TTC3: variants seen among roughly 807,000 people sequenced by gnomAD.
The protein encoded by TTC3 is tetratricopeptide repeat domain 3, also known as E3 ubiquitin-protein ligase TTC3.
TTC3 carries 180 observed loss-of-function variants against 249.6 expected under a neutral mutation model. That is an observed-to-expected ratio of 0.72 (90% CI 0.64 to 0.82). The LOEUF (loss-of-function observed/expected upper bound fraction) is 0.82, where lower values mean the gene tolerates loss of function less well. Among genes scored for constraint, TTC3 ranks in the 40% least tolerant of loss-of-function variants. The probability of loss-of-function intolerance (pLI) is 0.00; values close to 1 mark genes in which losing one functional copy is unlikely to be tolerated. For missense variants in TTC3, 2,061 were observed against 2,398.4 expected, an observed-to-expected ratio of 0.86 and a Z score of 2.94; for synonymous variants, 717 against 805.0, an observed-to-expected ratio of 0.89 and a Z score of 1.85.
chr21:37,102,767 C>T (rs555310713), intron 10 of TTC3, among the ~76,000 whole-genome samples: 9 of 152,188 alleles, frequency 5.9e-5, no homozygotes, highest in Admixed American at 2.6e-4. Flanking sequence ...GAGGCTGAGG[C>T]GGATGGATCA....
At chr21:37,102,964 T>C (rs2074661078) in intron 10 of TTC3, among the ~76,000 whole-genome samples, 1 of 152,162 alleles carries the variant, frequency 6.6e-6, no homozygotes, top group South Asian at 2.1e-4. Context: ...GCCACTGCAC[T>C]CCAGCCTGGG....
chr21:37,172,320 A>G (rs2081875080), intron 34 of TTC3, among the ~76,000 whole-genome samples: 1 of 152,204 alleles, frequency 6.6e-6, no homozygotes, highest in South Asian at 2.1e-4. Context: ...TTGATCTGGT[A>G]TTGAACCCTT....
At chr21:37,153,114 T>C in exon 27 of TTC3, 5 of 1,613,858 alleles carry the variant, frequency 3.1e-6, no homozygotes, top group Non-Finnish European at 4.2e-6. Flanking sequence ...ATACAACCTG[T>C]TTTTCTAGCA....
chr21:37,167,671 A>G lies in TTC3; in HGVS notation c.4467+51A>G, dbSNP rs372029422. The stretch of plus-strand genomic sequence containing the variant: ...TTAAAGGTTTAGTTTTCATTAATTT[A>G]TCTAGATGGAATGATGAACTAGAAC... On this transcript the variant is annotated intron_variant, in intron 34 of 45. Coordinates refer to ENST00000355666, the Ensembl canonical transcript of TTC3. The G allele has an allele frequency of 6.3e-6, 9 of 1,419,208 alleles. No individual in the cohort carries two copies. In the African/African-American group the frequency reaches 7.1e-5, roughly 11 times the overall value. The allele number at this position is 1,419,208 out of a possible 1,614,324, so 87.9% of individuals were successfully genotyped here.
rs139652673 is a variant in TTC3 at position 37,124,454 on chromosome 21, A to G, written c.1110-165A>G. 1.5e-3 allele frequency among the ~76,000 whole-genome samples: 224 copies of G among 152,268 alleles called. 2 individuals carry two copies. Among genetic ancestry groups the G allele is most frequent in the African/African-American group, 4.9e-3 (205 of 41,556 alleles). Reference sequence around the variant, plus strand: ...TTTATTATTTTGAGTTTAATGCCAAATATAAAATAATGTTTATGTATAAAG... The same window carrying G: ...TTTATTATTTTGAGTTTAATGCCAAGTATAAAATAATGTTTATGTATAAAG... On this transcript the variant is annotated intron_variant, in intron 13 of 45. Coordinates refer to ENST00000355666, the Ensembl canonical transcript of TTC3.
At chr21:37,075,260 G>T (rs997821707) in intron 1 of TTC3, among the ~76,000 whole-genome samples, 6 of 151,362 alleles carry the variant, frequency 4.0e-5, no homozygotes, top group South Asian at 2.1e-4. Flanking sequence ...TTAATTGCTG[G>T]TATAGAATTG....
intron 11 of TTC3, among the ~76,000 whole-genome samples, chr21:37,113,402 G>C (rs2075848072): frequency 6.6e-6 from 1 of 152,054 alleles, no homozygotes; most frequent in Admixed American, 6.6e-5. Flanking sequence ...ATAACAAACA[G>C]AGAGCCAAAT....
intron 7 of TTC3, among the ~76,000 whole-genome samples, chr21:37,093,091 A>C (rs750731917): frequency 1.3e-5 from 2 of 152,166 alleles, no homozygotes; most frequent in Non-Finnish European, 2.9e-5. Context: ...TTCAAAGGAA[A>C]TGCTCGCTGG....
At chr21:37,087,253 G>T (rs2072615181) in exon 2 of TTC3, 1 of 1,613,556 alleles carries the variant, frequency 6.2e-7, no homozygotes, top group Non-Finnish European at 8.5e-7. Context: ...TTAGACTTGT[G>T]CACCATGGAC....
At chr21:37,143,627 A>G (rs2078701513) in intron 20 of TTC3, among the ~76,000 whole-genome samples, 1 of 151,348 alleles carries the variant, frequency 6.6e-6, no homozygotes, top group Non-Finnish European at 1.5e-5. Flanking sequence ...AAATAGGAAC[A>G]CTTTTACACT....
intron 10 of TTC3, among the ~76,000 whole-genome samples, chr21:37,106,990 C>G (rs1601467459): frequency 6.6e-6 from 1 of 152,116 alleles, no homozygotes; most frequent in Middle Eastern, 3.4e-3. Context: ...TCACCTTTGT[C>G]ACGAATCAGG....
intron 1 of TTC3, among the ~76,000 whole-genome samples, chr21:37,079,982 T>C (rs2071413794): frequency 6.6e-6 from 1 of 152,192 alleles, no homozygotes; most frequent in Non-Finnish European, 1.5e-5. Flanking sequence ...GGATTAACTT[T>C]TGGCCTAATT....
At chr21:37,168,148 G>C (rs1012761475) in intron 34 of TTC3, among the ~76,000 whole-genome samples, 1 of 152,104 alleles carries the variant, frequency 6.6e-6, no homozygotes, top group South Asian at 2.1e-4. Context: ...TAAAATTCAG[G>C]TCACTGTCTT....
rs538046618 is a variant in TTC3, at chr21:37,082,729, C to T, written c.-11-4518C>T. The stretch of plus-strand genomic sequence containing the variant: ...TCCAAAAAGTGTTTTTTTTTTTAAT[C>T]TAGGATATACCTTTTTCCTCCCAAC... On this transcript the variant is annotated intron_variant, in intron 1 of 45. Transcript: ENST00000355666. 5 of 984,282 alleles carry T rather than the reference C, an allele frequency of 5.1e-6. No individual in the cohort carries two copies. In the South Asian group the frequency reaches 1.9e-4, roughly 37 times the overall value. The allele number at this position is 984,282 out of a possible 1,614,324, so 61.0% of individuals were successfully genotyped here.
chr21:37,124,178 C>T (rs1278160460), intron 13 of TTC3, among the ~76,000 whole-genome samples: 4 of 115,478 alleles, frequency 3.5e-5, no homozygotes, highest in African/African-American at 6.7e-5. Flanking sequence ...TGCAGTGGCA[C>T]GATCTTGGGT....
At chr21:37,146,768 G>A (rs73905124) in intron 21 of TTC3, among the ~76,000 whole-genome samples, 3,179 of 152,276 alleles carry the variant, frequency 0.021, 107 homozygotes, top group African/African-American at 0.073. Context: ...AATTTAGACC[G>A]TGGTGATGTC....
intron 42 of TTC3, among the ~76,000 whole-genome samples, chr21:37,196,746 C>T (rs147347888): frequency 0.01 from 1,559 of 152,266 alleles, 16 homozygotes; most frequent in East Asian, 0.03. Flanking sequence ...GCAGCAGCAA[C>T]TTAAACCTTG....
chr21:37,174,982 G>A (rs1226674685), intron 35 of TTC3, among the ~76,000 whole-genome samples: 4 of 151,830 alleles, frequency 2.6e-5, no homozygotes, highest in Non-Finnish European at 4.4e-5. Flanking sequence ...ATGGCCAGGC[G>A]CGGTGGCTCA....
At chr21:37,144,679 G>A (rs758298044) in intron 21 of TTC3, 34 bp downstream of exon 21, 1 of 1,594,768 alleles carries the variant, frequency 6.3e-7, no homozygotes, top group South Asian at 1.1e-5. Flanking sequence ...GTTTCTTACT[G>A]TGAATGCTTA....
Sources: gnomAD v4.1 joint callset for allele counts (sites outside exome capture counted in the v4.1 genomes callset) on GRCh38, gnomAD v4.1.1 for gene constraint, MANE v1.5 for transcripts, NCBI Gene and HGNC (gene_info 2026-07-23, HGNC 2026-07-21) for gene names.